RELN: variants seen among roughly 807,000 people sequenced by gnomAD.
The protein encoded by RELN is reelin.
A neutral mutation model predicts 427.6 loss-of-function variants in RELN; 108 were observed. The ratio of observed to expected loss-of-function variants is 0.25; its 90% CI spans 0.22 to 0.30. RELN has a LOEUF of 0.30. RELN is among the 10% of genes least tolerant of loss of function. RELN has a pLI of 1.00. For missense variants in RELN, 3,715 were observed against 4,302.8 expected, an observed-to-expected ratio of 0.86 and a Z score of 3.82; for synonymous variants, 1,524 against 1,513.4, an observed-to-expected ratio of 1.01 and a Z score of -0.16.
At chr7:103,961,304 A>G (rs4259349) in intron 1 of RELN, among the ~76,000 whole-genome samples, 110,969 of 152,076 alleles carry the variant, frequency 0.73, 41,681 homozygotes, top group African/African-American at 0.92. Context: ...AGTTATGGTC[A>G]GCCATCTGAG....
chr7:103,946,518 A>G (rs1796223299), intron 1 of RELN, among the ~76,000 whole-genome samples: 3 of 152,208 alleles, frequency 2.0e-5, no homozygotes, highest in Non-Finnish European at 4.4e-5. Flanking sequence ...ATAATATCCA[A>G]TCAAGGCAAG....
At chr7:103,480,949 A>G (rs1586465418) in intron 63 of RELN, among the ~76,000 whole-genome samples, 1 of 152,330 alleles carries the variant, frequency 6.6e-6, no homozygotes, top group East Asian at 1.9e-4. Context: ...TATTTAAAAT[A>G]TGGAGCTTGA....
intron 4 of RELN, among the ~76,000 whole-genome samples, chr7:103,762,445 G>A (rs1016844429): frequency 3.3e-5 from 5 of 152,194 alleles, no homozygotes; most frequent in Non-Finnish European, 7.3e-5. Flanking sequence ...CCATGGGTGA[G>A]GAAAGGGTCC....
chr7:103,521,017 G>T (rs914317329), intron 48 of RELN, among the ~76,000 whole-genome samples: 3 of 135,584 alleles, frequency 2.2e-5, no homozygotes, highest in African/African-American at 5.5e-5. Flanking sequence ...TCGCCCAGGC[G>T]GGACTGCGGA....
Position 103,522,352 on chromosome 7 carries a change from A to C in RELN, c.7491-153T>G, listed in dbSNP as rs576141962. 2.0e-5 allele frequency among the ~76,000 whole-genome samples: 3 copies of C among 152,320 alleles called. No homozygotes were observed. In the East Asian group the frequency reaches 5.8e-4, roughly 29 times the overall value. On this transcript the variant is annotated intron_variant, in intron 47 of 64. Transcript: ENST00000428762. ...TTGCCAGAATACACCTGCTCTCCTT[A>C]ACTGTACTTTAGGTTACAAATAATC... is the stretch of plus-strand genomic sequence containing the variant.
chr7:103,530,713 CCT>C (rs1441141541), intron 46 of RELN, among the ~76,000 whole-genome samples: 2 of 152,038 alleles, frequency 1.3e-5, no homozygotes, highest in African/African-American at 2.4e-5. Context: ...ACATTGTTCC[CCT>C]GATTTAGTGT....
chr7:103,557,181 T>C, intron 37 of RELN, 22 bp from the exon 38 acceptor site: 1 of 1,571,442 alleles, frequency 6.4e-7, no homozygotes, highest in Non-Finnish European at 8.8e-7. Context: ...ATAACACAGG[T>C]ATAAAACATA....
At chr7:103,631,559 T>A (rs1179078246) in intron 19 of RELN, among the ~76,000 whole-genome samples, 1 of 152,142 alleles carries the variant, frequency 6.6e-6, no homozygotes, top group Non-Finnish European at 1.5e-5. Flanking sequence ...CCCAAAGTGC[T>A]GGGATTACAG....
At chr7:103,518,981 A>G (rs972972765) in intron 49 of RELN, among the ~76,000 whole-genome samples, 4 of 152,190 alleles carry the variant, frequency 2.6e-5, no homozygotes, top group Admixed American at 6.5e-5. Flanking sequence ...AACAGAGTGT[A>G]CACTATATAA....
At chr7:103,612,752 A>G (rs1029287751) in intron 20 of RELN, among the ~76,000 whole-genome samples, 1 of 152,190 alleles carries the variant, frequency 6.6e-6, no homozygotes, top group Non-Finnish European at 1.5e-5. Context: ...TGTGTCTCAA[A>G]TCAGTAAAAT....
At chr7:103,846,013 T>G (rs1793665699) in intron 2 of RELN, among the ~76,000 whole-genome samples, 2 of 152,320 alleles carry the variant, frequency 1.3e-5, no homozygotes, top group South Asian at 4.2e-4. Context: ...CTCAAAGTAA[T>G]TTATAGATTC....
chr7:103,573,178 T>C lies in RELN; in HGVS notation c.4511+914A>G, dbSNP rs1009769589. 2.6e-5 allele frequency among the ~76,000 whole-genome samples: 4 copies of C among 152,216 alleles called. No individual in the cohort carries two copies. Among genetic ancestry groups the C allele is most frequent in the African/African-American group, 9.6e-5 (4 of 41,458 alleles). On this transcript the variant is annotated intron_variant, in intron 30 of 64. Transcript: ENST00000428762. The surrounding 1 kb of genome is among the most constrained non-coding windows in gnomAD (Gnocchi z 4.4). Reference sequence around the variant, plus strand: ...CTGGTCTTGAATTCCTGACCTCAAGTGATCCACCTGCCTCAGTCTCCCAAA... The same window carrying C: ...CTGGTCTTGAATTCCTGACCTCAAGCGATCCACCTGCCTCAGTCTCCCAAA...
intron 28 of RELN, among the ~76,000 whole-genome samples, chr7:103,581,839 G>T (rs1831157539): frequency 6.6e-6 from 1 of 151,924 alleles, no homozygotes; most frequent in African/African-American, 2.4e-5. Context: ...GGAGAGAAAG[G>T]TCCAGCTGAC....
At chr7:103,760,484 G>A (rs980436304) in intron 4 of RELN, among the ~76,000 whole-genome samples, 2 of 152,030 alleles carry the variant, frequency 1.3e-5, no homozygotes, top group Non-Finnish European at 2.9e-5. Flanking sequence ...AAATATAGCA[G>A]CACTAATACA....
At chr7:103,486,932 T>C (rs1440418190) in intron 60 of RELN, among the ~76,000 whole-genome samples, 1 of 152,230 alleles carries the variant, frequency 6.6e-6, no homozygotes, top group African/African-American at 2.4e-5. Context: ...TTATAAATCA[T>C]TCTACGCTAA....
At chr7:103,961,410 G>A (rs941241100) in intron 1 of RELN, among the ~76,000 whole-genome samples, 3 of 152,010 alleles carry the variant, frequency 2.0e-5, no homozygotes, top group African/African-American at 4.8e-5. Flanking sequence ...CCCCCTTTTG[G>A]AATCATTTAT....
At chr7:103,654,944 T>C (rs1240172422) in intron 12 of RELN, among the ~76,000 whole-genome samples, 1 of 152,020 alleles carries the variant, frequency 6.6e-6, no homozygotes, top group African/African-American at 2.4e-5. Context: ...TAACCTATTA[T>C]TTTCATAACT....
chr7:103,648,163 C>A (rs1832836000), intron 16 of RELN, among the ~76,000 whole-genome samples: 1 of 151,946 alleles, frequency 6.6e-6, no homozygotes, highest in African/African-American at 2.4e-5. Flanking sequence ...ATTGTAGTCC[C>A]CAATATTGGA....
At chr7:103,900,869 G>C (rs1198924867) in intron 2 of RELN, among the ~76,000 whole-genome samples, 1 of 151,848 alleles carries the variant, frequency 6.6e-6, no homozygotes, top group East Asian at 1.9e-4. Flanking sequence ...TTAAATGTAA[G>C]AAATAGGACC....
Sources: allele counts gnomAD v4.1 joint callset (sites outside exome capture counted in the v4.1 genomes callset), GRCh38; gene constraint gnomAD v4.1.1; non-coding constraint Gnocchi (gnomAD v3.1); transcripts MANE v1.5; gene names NCBI Gene and HGNC (gene_info 2026-07-23, HGNC 2026-07-21).